SGCZ: variants seen among roughly 807,000 people sequenced by gnomAD.
SGCZ encodes zeta-sarcoglycan.
In SGCZ, 40 loss-of-function variants were observed where a neutral mutation model predicts 41.3. The ratio of observed to expected loss-of-function variants is 0.97; its 90% CI spans 0.75 to 1.26. The LOEUF is 1.26. Ranked by LOEUF, SGCZ falls within the 50% of genes most tolerant of loss-of-function variation. The pLI, the probability that SGCZ is intolerant of heterozygous loss-of-function variation, is 0.00. For missense variants in SGCZ, 552 were observed against 369.8 expected (o/e 1.49, Z -4.04); for synonymous variants, 206 against 137.5 (o/e 1.50, Z -3.49).
intron 1 of SGCZ, among the ~76,000 whole-genome samples, chr8:14,587,574 T>C (rs1356104748): frequency 6.6e-6 from 1 of 152,228 alleles, no homozygotes; most frequent in Non-Finnish European, 1.5e-5. Context: ...TAACAGCACA[T>C]GCTGTTTTGC....
At chr8:14,316,556 T>C (rs1801721417) in intron 3 of SGCZ, among the ~76,000 whole-genome samples, 1 of 152,010 alleles carries the variant, frequency 6.6e-6, no homozygotes, top group Non-Finnish European at 1.5e-5. Flanking sequence ...GTCTCCATGT[T>C]ACTTGACCTA....
chr8:14,510,774 C>T (rs930182529), intron 2 of SGCZ, among the ~76,000 whole-genome samples: 7 of 152,108 alleles, frequency 4.6e-5, no homozygotes, highest in Admixed American at 1.3e-4. Flanking sequence ...AGTTGTGAAT[C>T]GCATTTTGCT....
chr8:14,352,223 G>C (rs767198226), intron 2 of SGCZ, among the ~76,000 whole-genome samples: 1 of 152,010 alleles, frequency 6.6e-6, no homozygotes, highest in East Asian at 1.9e-4. Context: ...GGAATTTCCA[G>C]GCTGAAGCTA....
At chr8:15,112,621 C>T (rs1264435120) in intron 1 of SGCZ, among the ~76,000 whole-genome samples, 1 of 152,188 alleles carries the variant, frequency 6.6e-6, no homozygotes, top group East Asian at 1.9e-4. Context: ...CTTCTCATCA[C>T]TTGTGATGCT....
intron 4 of SGCZ, among the ~76,000 whole-genome samples, chr8:14,167,136 C>A (rs548912978): frequency 1.3e-5 from 2 of 151,986 alleles, no homozygotes; most frequent in African/African-American, 4.8e-5. Flanking sequence ...ATGATATGTT[C>A]TTGGGGATAT....
intron 1 of SGCZ, among the ~76,000 whole-genome samples, chr8:14,705,997 G>T (rs1203543975): frequency 6.6e-6 from 1 of 151,806 alleles, no homozygotes; most frequent in Non-Finnish European, 1.5e-5. Flanking sequence ...AATCATAATA[G>T]AAATAAATAA....
chr8:14,336,164 G>T (rs1022572854), intron 2 of SGCZ, among the ~76,000 whole-genome samples: 1 of 152,062 alleles, frequency 6.6e-6, no homozygotes, highest in Non-Finnish European at 1.5e-5. Context: ...ATAACATATA[G>T]TATTTGGTTT....
At chr8:15,192,080 T>A (rs1800560422) in intron 1 of SGCZ, among the ~76,000 whole-genome samples, 1 of 152,148 alleles carries the variant, frequency 6.6e-6, no homozygotes, top group Non-Finnish European at 1.5e-5. Context: ...ATATTCCCAG[T>A]GTTTTTACTT....
chr8:14,411,839 A>G (rs1296323427), intron 2 of SGCZ, among the ~76,000 whole-genome samples: 1 of 152,132 alleles, frequency 6.6e-6, no homozygotes, highest in African/African-American at 2.4e-5. Context: ...CCAGTACAGT[A>G]AAAAACACTT....
chr8:14,475,961 G>A (rs1801347385), intron 2 of SGCZ, among the ~76,000 whole-genome samples: 1 of 151,402 alleles, frequency 6.6e-6, no homozygotes, highest in Non-Finnish European at 1.5e-5. Context: ...ACAGGTTTGC[G>A]CCACCATGCC....
At chr8:15,174,708 G>A (rs974274685) in intron 1 of SGCZ, among the ~76,000 whole-genome samples, 12 of 151,458 alleles carry the variant, frequency 7.9e-5, no homozygotes, top group African/African-American at 2.7e-4. Context: ...TCCAACACTC[G>A]GTTCAGACAG....
At chr8:14,653,448 A>G (rs1807466033) in intron 1 of SGCZ, among the ~76,000 whole-genome samples, 1 of 152,154 alleles carries the variant, frequency 6.6e-6, no homozygotes, top group African/African-American at 2.4e-5. Context: ...TTCTTACTAC[A>G]AGATAGCTTA....
intron 1 of SGCZ, among the ~76,000 whole-genome samples, chr8:14,597,059 C>T (rs1414990201): frequency 6.6e-6 from 1 of 152,146 alleles, no homozygotes; most frequent in Non-Finnish European, 1.5e-5. Flanking sequence ...TAGTAGGCAG[C>T]ATTTTCAAAA....
chr8:15,192,852 C>T (rs1330217991), intron 1 of SGCZ, among the ~76,000 whole-genome samples: 1 of 151,892 alleles, frequency 6.6e-6, no homozygotes, highest in African/African-American at 2.4e-5. Context: ...AGCAGCCTAA[C>T]CAGTTTTGTT....
intron 2 of SGCZ, among the ~76,000 whole-genome samples, chr8:14,522,037 A>G (rs966144302): frequency 6.6e-6 from 1 of 152,140 alleles, no homozygotes; most frequent in Non-Finnish European, 1.5e-5. Context: ...GCGATATTTC[A>G]TCTTTACTCA....
intron 2 of SGCZ, among the ~76,000 whole-genome samples, chr8:14,411,142 A>G (rs905376927): frequency 6.6e-6 from 1 of 152,112 alleles, no homozygotes; most frequent in African/African-American, 2.4e-5. Flanking sequence ...TTCTGCTATT[A>G]TTGAGATTAA....
chr8:14,721,035 A>C (rs1363657786), intron 1 of SGCZ, among the ~76,000 whole-genome samples: 2 of 150,608 alleles, frequency 1.3e-5, no homozygotes, highest in Admixed American at 6.6e-5. Flanking sequence ...TTTTCTCCTT[A>C]ATGCAATTTT....
chr8:14,485,101 A>G (rs191730499), intron 2 of SGCZ, among the ~76,000 whole-genome samples: 6 of 152,312 alleles, frequency 3.9e-5, no homozygotes, highest in Non-Finnish European at 5.9e-5. Context: ...GAGGCTACTA[A>G]TTTATGCAGA....
At chr8:14,284,217 C>G (rs1800542518) in intron 3 of SGCZ, among the ~76,000 whole-genome samples, 4 of 152,252 alleles carry the variant, frequency 2.6e-5, no homozygotes, top group Admixed American at 2.6e-4. Flanking sequence ...ATAGTGGAAC[C>G]CCACCTCTAC....
Sources: allele counts gnomAD v4.1 joint callset (sites outside exome capture counted in the v4.1 genomes callset), GRCh38; gene constraint gnomAD v4.1.1; transcripts MANE v1.5; gene names NCBI Gene and HGNC (gene_info 2026-07-23, HGNC 2026-07-21).